The following VCF2 variants were observed in gnomAD, a reference collection of about 807,000 sequenced individuals.
The protein encoded by VCF2 is protein VCF2.
chrX:55,146,915 T>G, the VCF2 span, among the ~76,000 whole-genome samples: 1 of 112,594 alleles, frequency 8.9e-6, no homozygotes, highest in Non-Finnish European at 1.9e-5. Context: ...TACTTTTAGT[T>G]AAAGTTATAT....
At chrX:55,151,380 C>G in the VCF2 span, among the ~76,000 whole-genome samples, 1 of 112,421 alleles carries the variant, frequency 8.9e-6, no homozygotes, top group Non-Finnish European at 1.9e-5. Flanking sequence ...CACTTTCTGA[C>G]AGGCCCAAGG....
the VCF2 span, among the ~76,000 whole-genome samples, chrX:55,155,060 T>C: frequency 9.0e-6 from 1 of 111,383 alleles, no homozygotes; most frequent in Non-Finnish European, 1.9e-5. Context: ...CAGAGAATAT[T>C]AATAGGAAGG....
At chrX:55,146,393 A>G in the VCF2 span, 1 of 866,168 alleles carries the variant, frequency 1.2e-6, no homozygotes, top group Non-Finnish European at 1.7e-6. Context: ...TAGCAGCATA[A>G]AACTCTATAA....
At chrX:55,155,035 A>G in the VCF2 span, among the ~76,000 whole-genome samples, 5 of 111,947 alleles carry the variant, frequency 4.5e-5, no homozygotes, top group Non-Finnish European at 9.4e-5. Flanking sequence ...CATCTGAGCT[A>G]GGCCTTCAAA....
At chrX:55,154,724 G>A in the VCF2 span, among the ~76,000 whole-genome samples, 3 of 112,384 alleles carry the variant, frequency 2.7e-5, no homozygotes, top group East Asian at 2.8e-4. Context: ...CAAAATCACC[G>A]TGTGGTTTTC....
chrX:55,160,964 A>G, the VCF2 span: 322 of 1,163,168 alleles, frequency 2.8e-4, no homozygotes, highest in Middle Eastern at 1.9e-3. Flanking sequence ...GCCACCGGCC[A>G]ACACTGTCAC....
chrX:55,143,960 AC>A, the VCF2 span: 83 of 566,537 alleles, frequency 1.5e-4, 1 homozygote, highest in South Asian at 4.3e-3. Context: ...GACTGTGCTT[AC>A]TTAGTTCAAC....
chrX:55,159,160 T>C, the VCF2 span: 10 of 1,206,102 alleles, frequency 8.3e-6, no homozygotes, highest in Non-Finnish European at 1.1e-5. Flanking sequence ...AAAGATAGGG[T>C]TTCTCTTATT....
the VCF2 span, among the ~76,000 whole-genome samples, chrX:55,159,770 T>A: frequency 8.9e-6 from 1 of 112,219 alleles, no homozygotes; most frequent in Non-Finnish European, 1.9e-5. Context: ...ATTGTCACCA[T>A]GAGATTGTGG....
chrX:55,143,584 G>C, the VCF2 span: 3 of 289,303 alleles, frequency 1.0e-5, no homozygotes, highest in Admixed American at 5.8e-5. Context: ...TCTGATGTTA[G>C]GAATGTTTTA....
At chrX:55,147,631 C>CTTTTTTTTTTTTTTTTTTTTT in the VCF2 span, among the ~76,000 whole-genome samples, 1 of 68,568 alleles carries the variant, frequency 1.5e-5, no homozygotes, top group African/African-American at 5.0e-5. Flanking sequence ...GTTGGCTTTC[C>CTTTTTTTTTTTTTTTTTTTTT]TTGTTTTTTT....
the VCF2 span, chrX:55,145,509 T>G: frequency 1.3e-6 from 1 of 754,904 alleles, no homozygotes; most frequent in South Asian, 6.7e-5. Context: ...CTGGGTCTGA[T>G]TGTTGCCATT....
At chrX:55,156,706 C>T in the VCF2 span, among the ~76,000 whole-genome samples, 13 of 111,778 alleles carry the variant, frequency 1.2e-4, no homozygotes, top group Non-Finnish European at 1.9e-4. Flanking sequence ...TTAGAACAGA[C>T]ACTGAGTTGT....
the VCF2 span, chrX:55,161,111 G>C: frequency 8.3e-6 from 10 of 1,207,461 alleles, no homozygotes; most frequent in Non-Finnish European, 1.0e-5. Context: ...GACTGGTACC[G>C]GCCGGAAAGG....
the VCF2 span, chrX:55,161,099 C>T: frequency 1.7e-6 from 2 of 1,205,246 alleles, no homozygotes; most frequent in Admixed American, 2.2e-5. Context: ...GACCAGAGCT[C>T]GGACTGGTAC....
chrX:55,146,803 T>C, the VCF2 span, among the ~76,000 whole-genome samples: 1 of 112,519 alleles, frequency 8.9e-6, no homozygotes, highest in Non-Finnish European at 1.9e-5. Flanking sequence ...CACACATAGA[T>C]ACAAATAAAC....
the VCF2 span, among the ~76,000 whole-genome samples, chrX:55,160,547 C>A: frequency 8.9e-6 from 1 of 112,140 alleles, no homozygotes; most frequent in Non-Finnish European, 1.9e-5. Context: ...TTAATGGTCA[C>A]GGCTGGGTGA....
At chrX:55,155,445 G>A in the VCF2 span, among the ~76,000 whole-genome samples, 1 of 112,074 alleles carries the variant, frequency 8.9e-6, no homozygotes, top group Non-Finnish European at 1.9e-5. Context: ...GATACACGCA[G>A]AGGTAGAATA....
chrX:55,153,792 CT>C, the VCF2 span, among the ~76,000 whole-genome samples: 4 of 112,335 alleles, frequency 3.6e-5, no homozygotes, highest in East Asian at 8.4e-4. Flanking sequence ...TCAGTTACTT[CT>C]GACTTCAAAG....
Sources: allele counts gnomAD v4.1 joint callset (sites outside exome capture counted in the v4.1 genomes callset), GRCh38; gene constraint gnomAD v4.1.1; transcripts MANE v1.5; gene names NCBI Gene and HGNC (gene_info 2026-07-23, HGNC 2026-07-21).